The following PLEKHA5 variants were observed in gnomAD, a reference collection of about 807,000 sequenced individuals.
PLEKHA5 encodes the protein pleckstrin homology domain-containing family A member 5.
PLEKHA5 carries 55 observed loss-of-function variants against 181.9 expected under a neutral mutation model. The observed-to-expected ratio is 0.30, with a 90% CI of 0.24 to 0.38. PLEKHA5 has a LOEUF of 0.38. Among genes scored for constraint, PLEKHA5 ranks in the 10% least tolerant of loss-of-function variants. The probability of loss-of-function intolerance (pLI) is 1.00; values close to 1 mark genes in which losing one functional copy is unlikely to be tolerated. For missense variants in PLEKHA5, 1,432 were observed against 1,549.5 expected (o/e 0.92, Z 1.27); for synonymous variants, 535 against 529.4 (o/e 1.01, Z -0.15).
At chr12:19,246,001 CAG>C (rs1310538556) in intron 3 of PLEKHA5, among the ~76,000 whole-genome samples, 3 of 141,582 alleles carry the variant, frequency 2.1e-5, no homozygotes, top group South Asian at 2.3e-4. Context: ...CTTTTTTTGA[CAG>C]AGTCTCACTC....
chr12:19,276,316 G>A (rs1231393582), intron 11 of PLEKHA5, among the ~76,000 whole-genome samples: 1 of 152,162 alleles, frequency 6.6e-6, no homozygotes, highest in African/African-American at 2.4e-5. Context: ...AGTGAGAAGA[G>A]GATGAGGATG....
intron 3 of PLEKHA5, among the ~76,000 whole-genome samples, chr12:19,235,564 TG>T (rs1341527207): frequency 3.9e-5 from 6 of 152,172 alleles, no homozygotes; most frequent in Admixed American, 6.6e-5. Flanking sequence ...AAAAATCTCA[TG>T]AGTATTACAT....
chr12:19,168,456 C>T lies in PLEKHA5; in HGVS notation c.227+36006C>T, dbSNP rs73343098. On this transcript the variant is annotated intron_variant, in intron 3 of 31. Coordinates refer to ENST00000429027, the MANE Select transcript of PLEKHA5 (RefSeq NM_001256470.2). ...TTGTGGCCAATACATGGGTGGAAAC[C>T]ACAAGACCCCAAATTGAAGGCAGTT... Among the ~76,000 whole-genome samples, 646 of 151,512 alleles carry T rather than the reference C, an allele frequency of 4.3e-3. 8 individuals are homozygous for T. Among genetic ancestry groups the T allele is most frequent in the African/African-American group, 0.015 (621 of 41,276 alleles).
chr12:19,169,417 C>T (rs2045381964), intron 3 of PLEKHA5, among the ~76,000 whole-genome samples: 1 of 152,162 alleles, frequency 6.6e-6, no homozygotes, highest in Non-Finnish European at 1.5e-5. Flanking sequence ...CTGGTCTTCA[C>T]TTATAGGGCA....
At chr12:19,283,006 G>T (rs977911512) in intron 11 of PLEKHA5, among the ~76,000 whole-genome samples, 33 of 151,820 alleles carry the variant, frequency 2.2e-4, no homozygotes, top group African/African-American at 7.7e-4. Flanking sequence ...GATCAGCCGG[G>T]CATGGTGGTG....
At chr12:19,307,068 C>T (rs1466225634) in intron 15 of PLEKHA5, 5 of 1,319,220 alleles carry the variant, frequency 3.8e-6, no homozygotes, top group East Asian at 2.3e-5. Flanking sequence ...TGAACTCAAT[C>T]TGTTGCCACA....
rs200396755 is a variant in PLEKHA5, at chr12:19,343,367, T to A, written c.2595T>A (p.Leu865=). 5 of 1,613,844 alleles carry A rather than the reference T, an allele frequency of 3.1e-6. No homozygotes were observed. The highest frequency in any genetic ancestry group is 4.2e-6 in the Non-Finnish European group (5 of 1,179,880). Residue 865 remains leucine (L), a synonymous_variant, in exon 22 of 32, where the codon CTT becomes CTA. Coordinates refer to ENST00000429027, the MANE Select transcript of PLEKHA5 (RefSeq NM_001256470.2). ...AGCGTGCACAGATTCAGAAAGAACTTTGGCGAATTCAGGATGTCATGGAAG... is the reference window on the plus strand; with the variant it reads ...AGCGTGCACAGATTCAGAAAGAACTATGGCGAATTCAGGATGTCATGGAAG... The part of the protein sequence containing the change: ...GIQRAQIQKE[L]WRIQDVMEGL...
At chr12:19,351,277 C>G (rs2094579678) in intron 25 of PLEKHA5, among the ~76,000 whole-genome samples, 1 of 152,146 alleles carries the variant, frequency 6.6e-6, no homozygotes, top group Non-Finnish European at 1.5e-5. Context: ...TGGCTCATTC[C>G]TGTAATCTCA....
At chr12:19,330,093 G>A (rs2153086602) in intron 20 of PLEKHA5, among the ~76,000 whole-genome samples, 1 of 152,238 alleles carries the variant, frequency 6.6e-6, no homozygotes, top group South Asian at 2.1e-4. Flanking sequence ...GCCAACAGAA[G>A]TGTGGCGCAG....
At chr12:19,303,314 A>G (rs550954743) in intron 15 of PLEKHA5, among the ~76,000 whole-genome samples, 6 of 152,194 alleles carry the variant, frequency 3.9e-5, no homozygotes, top group Middle Eastern at 3.4e-3. Context: ...GAATTATATG[A>G]ATGACCATCT....
At chr12:19,190,211 T>C (rs2151946310) in intron 3 of PLEKHA5, among the ~76,000 whole-genome samples, 1 of 152,358 alleles carries the variant, frequency 6.6e-6, no homozygotes, top group East Asian at 1.9e-4. Flanking sequence ...TATTTACTGG[T>C]AATTATATTT....
chr12:19,176,456 C>T (rs1490744034), intron 3 of PLEKHA5: 1 of 151,932 alleles, frequency 6.6e-6, no homozygotes, highest in African/African-American at 2.4e-5. Flanking sequence ...AGGAGTTCAG[C>T]ATATTGATGC....
intron 22 of PLEKHA5, 151 bp downstream of exon 22, chr12:19,343,585 T>A (rs1036503082): frequency 2.0e-5 from 13 of 638,260 alleles, no homozygotes; most frequent in Non-Finnish European, 3.7e-5. Context: ...TATGGCCTAC[T>A]ACACACCTAG....
At chr12:19,356,895 G>A (rs1592619012) in intron 26 of PLEKHA5, among the ~76,000 whole-genome samples, 2 of 151,852 alleles carry the variant, frequency 1.3e-5, no homozygotes, top group East Asian at 3.9e-4. Context: ...TCCTGACCTC[G>A]TGATCTGCCT....
At chr12:19,155,464 CT>C (rs1404015395) in intron 3 of PLEKHA5, among the ~76,000 whole-genome samples, 2 of 152,056 alleles carry the variant, frequency 1.3e-5, no homozygotes, top group Non-Finnish European at 2.9e-5. Context: ...TTTGCTTAGT[CT>C]TTAGTCAGCC....
intron 30 of PLEKHA5, among the ~76,000 whole-genome samples, chr12:19,368,033 A>G (rs2095479351): frequency 6.6e-6 from 1 of 152,058 alleles, no homozygotes. Context: ...TCTGGGCAGA[A>G]CATCTTCCGT....
Position 19,147,454 on chromosome 12 carries a change from C to G in PLEKHA5, c.227+15004C>G, listed in dbSNP as rs576883712. On this transcript the variant is annotated intron_variant, in intron 3 of 31. Transcript: ENST00000429027. ...GGTGTTGTAACGTTAGGGACACTTACATAGGTGAGTGGAACTGAAGTGTGA... is the reference window on the plus strand; with the variant it reads ...GGTGTTGTAACGTTAGGGACACTTAGATAGGTGAGTGGAACTGAAGTGTGA... 3.9e-5 allele frequency among the ~76,000 whole-genome samples: 6 copies of G among 152,184 alleles called. No homozygotes were observed. The East Asian group carries it at 1.2e-3, about 29-fold the overall frequency.
intron 26 of PLEKHA5, among the ~76,000 whole-genome samples, chr12:19,355,237 CA>C (rs1428703184): frequency 2.6e-5 from 4 of 151,432 alleles, no homozygotes. Context: ...ATTTGGGCTG[CA>C]AAAATGCTTC....
chr12:19,358,189 T>C, intron 26 of PLEKHA5, 39 bp from the exon 27 acceptor site: 2 of 1,368,972 alleles, frequency 1.5e-6, no homozygotes, highest in Non-Finnish European at 2.1e-6. Context: ...TTTCAGAAGT[T>C]TTCATTTATG....
Sources: allele counts gnomAD v4.1 joint callset (sites outside exome capture counted in the v4.1 genomes callset), GRCh38; gene constraint gnomAD v4.1.1; transcripts MANE v1.5; gene names NCBI Gene and HGNC (gene_info 2026-07-23, HGNC 2026-07-21).